The following GRIA3 variants were observed in gnomAD, a reference collection of about 807,000 sequenced individuals.
GRIA3 encodes the protein glutamate ionotropic receptor AMPA type subunit 3.
GRIA3 carries 3 observed loss-of-function variants against 63.0 expected under a neutral mutation model. The ratio of observed to expected loss-of-function variants is 0.05; its 90% CI spans 0.02 to 0.12. GRIA3 has a LOEUF of 0.12. GRIA3 is among the 10% of genes least tolerant of loss of function. GRIA3 has a pLI of 1.00. For missense variants in GRIA3, 347 were observed against 700.9 expected, an observed-to-expected ratio of 0.50 and a Z score of 5.70; for synonymous variants, 274 against 257.9, an observed-to-expected ratio of 1.06 and a Z score of -0.60.
At chrX:123,376,714 G>C (rs952332479) in intron 5 of GRIA3, among the ~76,000 whole-genome samples, 2 of 110,835 alleles carry the variant, frequency 1.8e-5, no homozygotes, top group Non-Finnish European at 3.8e-5. Flanking sequence ...TATTTATATA[G>C]AGAGATCAGT....
chrX:123,280,575 T>C (rs2044580353), intron 3 of GRIA3, among the ~76,000 whole-genome samples: 1 of 112,288 alleles, frequency 8.9e-6, no homozygotes, highest in Non-Finnish European at 1.9e-5. Context: ...GGTCTACTTT[T>C]GGCATATTTT....
chrX:123,275,041 T>C (rs750719712), intron 3 of GRIA3, among the ~76,000 whole-genome samples: 3 of 110,878 alleles, frequency 2.7e-5, no homozygotes, highest in Non-Finnish European at 5.7e-5. Flanking sequence ...AACAGTAGAC[T>C]GACTCATATG....
intron 5 of GRIA3, among the ~76,000 whole-genome samples, chrX:123,379,912 T>C (rs1223515602): frequency 9.3e-6 from 1 of 107,219 alleles, no homozygotes; most frequent in Non-Finnish European, 1.9e-5. Context: ...TCTGTCTTTG[T>C]GATAGTTTGC....
intron 3 of GRIA3, among the ~76,000 whole-genome samples, chrX:123,310,225 T>C (rs2044781120): frequency 8.8e-6 from 1 of 113,128 alleles, no homozygotes; most frequent in South Asian, 3.6e-4. Flanking sequence ...TAACTCTAAG[T>C]GACTCAGGGC....
intron 3 of GRIA3, among the ~76,000 whole-genome samples, chrX:123,268,874 G>T (rs1055913710): frequency 8.9e-6 from 1 of 112,260 alleles, no homozygotes; most frequent in Non-Finnish European, 1.9e-5. Flanking sequence ...CTATCTTGCA[G>T]GAATAAAGAA....
At chrX:123,353,739 G>T (rs995374857) in intron 4 of GRIA3, among the ~76,000 whole-genome samples, 2 of 111,042 alleles carry the variant, frequency 1.8e-5, no homozygotes, top group Non-Finnish European at 3.8e-5. Context: ...TTTAAAGAAA[G>T]ATCCTAAAAT....
intron 2 of GRIA3, among the ~76,000 whole-genome samples, chrX:123,250,002 C>A (rs1038685018): frequency 3.6e-5 from 4 of 111,934 alleles, no homozygotes; most frequent in Admixed American, 9.5e-5. Context: ...TACAATATGA[C>A]TCCCTTGATA....
intron 4 of GRIA3, among the ~76,000 whole-genome samples, chrX:123,326,495 C>A (rs1049133379): frequency 1.2e-4 from 14 of 112,072 alleles, no homozygotes; most frequent in African/African-American, 4.2e-4. Context: ...TATCCCTCCA[C>A]ACCTCTGTTT....
At chrX:123,299,841 ATT>A (rs2044709556) in intron 3 of GRIA3, among the ~76,000 whole-genome samples, 2 of 111,480 alleles carry the variant, frequency 1.8e-5, no homozygotes, top group South Asian at 7.6e-4. Flanking sequence ...ACTTTTTCCC[ATT>A]CAGTATGACA....
chrX:123,463,685 A>AAAGG (rs1569440895), intron 12 of GRIA3, among the ~76,000 whole-genome samples: 6 of 59,406 alleles, frequency 1.0e-4, no homozygotes, highest in Non-Finnish European at 1.5e-4. Flanking sequence ...AGAAAGAAAG[A>AAAGG]GAGAGAAAGA....
At chrX:123,302,276 G>A (rs1311144347) in intron 3 of GRIA3, among the ~76,000 whole-genome samples, 2 of 111,843 alleles carry the variant, frequency 1.8e-5, no homozygotes, top group African/African-American at 6.5e-5. Flanking sequence ...GATCTCTTCT[G>A]TATGACCTTG....
intron 15 of GRIA3, among the ~76,000 whole-genome samples, chrX:123,484,640 C>T (rs2045932028): frequency 9.0e-6 from 1 of 111,602 alleles, no homozygotes; most frequent in Non-Finnish European, 1.9e-5. Context: ...GCCACCATGC[C>T]CAGCTAATTT....
At chrX:123,385,924 T>A (rs890414147) in intron 5 of GRIA3, among the ~76,000 whole-genome samples, 2 of 112,322 alleles carry the variant, frequency 1.8e-5, no homozygotes, top group African/African-American at 6.5e-5. Context: ...GATATACTGA[T>A]TTCTTTTCCT....
chrX:123,265,499 T>C (rs190106335), intron 3 of GRIA3, among the ~76,000 whole-genome samples: 35 of 112,033 alleles, frequency 3.1e-4, no homozygotes, highest in African/African-American at 1.1e-3. Context: ...ATTCTTTAAG[T>C]GGAAGTTGAT....
chrX:123,443,372 T>C (rs1569437423), intron 12 of GRIA3, among the ~76,000 whole-genome samples: 1 of 111,774 alleles, frequency 8.9e-6, no homozygotes, highest in Non-Finnish European at 1.9e-5. Flanking sequence ...CCAGGACTGT[T>C]GTATTTATGT....
intron 14 of GRIA3, 145 bp downstream of exon 14, chrX:123,480,322 G>A: frequency 2.0e-6 from 1 of 488,102 alleles, no homozygotes; most frequent in Non-Finnish European, 3.8e-6. Context: ...AAAGGAATAA[G>A]ACAAATGCCA....
chrX:123,333,905 G>GTC (rs777261728), intron 4 of GRIA3, among the ~76,000 whole-genome samples: 24 of 111,048 alleles, frequency 2.2e-4, no homozygotes, highest in African/African-American at 7.5e-4. Context: ...CATTCCAGGT[G>GTC]TCTCTCTGTA....
chrX:123,343,198 A>C (rs780746593), intron 4 of GRIA3, among the ~76,000 whole-genome samples: 1 of 112,059 alleles, frequency 8.9e-6, no homozygotes, highest in Admixed American at 9.5e-5. Context: ...TGTACATAAC[A>C]AAAGCTCAGT....
intron 6 of GRIA3, 101 bp from the exon 7 acceptor site, chrX:123,398,535 C>A: frequency 1.5e-6 from 1 of 647,720 alleles, no homozygotes; most frequent in Non-Finnish European, 2.5e-6. Context: ...GGGGTGACTG[C>A]ATAGAACAAT....
Sources: gnomAD v4.1 joint callset for allele counts (sites outside exome capture counted in the v4.1 genomes callset) on GRCh38, gnomAD v4.1.1 for gene constraint, MANE v1.5 for transcripts, NCBI Gene and HGNC (gene_info 2026-07-23, HGNC 2026-07-21) for gene names.